Variants in MSRA observed in about 807,000 individuals in gnomAD.
The protein encoded by MSRA is mitochondrial peptide methionine sulfoxide reductase.
Under a neutral mutation model 31.3 loss-of-function variants are expected in MSRA, and 54 were observed. That is an observed-to-expected ratio of 1.73 (90% CI 1.39 to 2.17). The LOEUF is 2.17. Among genes scored for constraint, MSRA ranks in the 30% most tolerant of loss-of-function variants. The pLI, the probability that MSRA is intolerant of heterozygous loss-of-function variation, is 0.00. For missense variants in MSRA, 507 were observed against 300.9 expected, an observed-to-expected ratio of 1.69 and a Z score of -5.07; for synonymous variants, 169 against 116.5, an observed-to-expected ratio of 1.45 and a Z score of -2.90.
intron 5 of MSRA, among the ~76,000 whole-genome samples, chr8:10,414,415 C>T (rs1316437292): frequency 6.6e-6 from 1 of 152,226 alleles, no homozygotes; most frequent in Non-Finnish European, 1.5e-5. Flanking sequence ...TCCAACCATT[C>T]TGCAGTCGGT....
chr8:10,098,416 G>T (rs1426006549), intron 1 of MSRA, among the ~76,000 whole-genome samples: 1 of 152,114 alleles, frequency 6.6e-6, no homozygotes, highest in African/African-American at 2.4e-5. Flanking sequence ...TTCTCAGGAA[G>T]CGTTAGTCCA....
intron 1 of MSRA, among the ~76,000 whole-genome samples, chr8:10,139,495 A>G (rs28514398): frequency 0.06 from 9,076 of 152,224 alleles, 448 homozygotes; most frequent in African/African-American, 0.13. Flanking sequence ...CATTGTATCC[A>G]TTAAGCAATT....
At position 10,376,316 on chromosome 8, in the gene MSRA, C is replaced by G. The variant is rs76409133; in HGVS notation, c.544-51832C>G. On this transcript the variant is annotated intron_variant, in intron 5 of 5. Coordinates refer to ENST00000317173, the MANE Select transcript of MSRA (RefSeq NM_012331.5). ...ACAATGCAGCCAGGAACAGCAAATG[C>G]CATTTGGCTCACTTAATAGCAAGGC... is the stretch of plus-strand genomic sequence containing the variant. 7.6e-3 allele frequency among the ~76,000 whole-genome samples: 1,161 copies of G among 152,304 alleles called. 9 individuals are homozygous for G. Among genetic ancestry groups the G allele is most frequent in the Non-Finnish European group, 0.013 (857 of 68,020 alleles).
intron 1 of MSRA, among the ~76,000 whole-genome samples, chr8:10,129,635 A>C (rs1801753754): frequency 6.6e-6 from 1 of 152,120 alleles, no homozygotes. Flanking sequence ...TGGACTGTGC[A>C]GATCAGAAGG....
chr8:10,141,432 A>G lies in MSRA; in HGVS notation c.143-66401A>G, dbSNP rs530405740. ...CAGAAAGGAAAACGCACTCCAATGC[A>G]CAAGACATACATTGTCACCCACACA... On this transcript the variant is annotated intron_variant, in intron 1 of 5. Coordinates refer to ENST00000317173, the MANE Select transcript of MSRA (RefSeq NM_012331.5). Among the ~76,000 whole-genome samples the G allele has an allele frequency of 2.6e-5, 4 of 152,308 alleles. No homozygotes were observed. In the South Asian group the frequency reaches 8.3e-4, roughly 32 times the overall value.
intron 5 of MSRA, among the ~76,000 whole-genome samples, chr8:10,346,838 TG>T (rs756721045): frequency 5.3e-4 from 81 of 152,358 alleles, no homozygotes; most frequent in Non-Finnish European, 7.6e-4. Flanking sequence ...GGTTGTTGTT[TG>T]GCTTCCTGAA....
chr8:10,258,050 C>T lies in MSRA; in HGVS notation c.331+12827C>T, dbSNP rs138430608. 1.8e-3 allele frequency among the ~76,000 whole-genome samples: 274 copies of T among 152,306 alleles called. 2 individuals are homozygous for T. The highest frequency in any genetic ancestry group is 6.3e-3 in the African/African-American group (262 of 41,566). ...GCATGGCATAATTCTAAATTCTTTA[C>T]ATGTGACCACTTCTTCTATTTTCAT... On this transcript the variant is annotated intron_variant, in intron 3 of 5. Coordinates refer to ENST00000317173, the MANE Select transcript of MSRA (RefSeq NM_012331.5).
At chr8:10,405,914 G>A (rs541960666) in intron 5 of MSRA, among the ~76,000 whole-genome samples, 3 of 152,196 alleles carry the variant, frequency 2.0e-5, no homozygotes, top group Admixed American at 1.3e-4. Flanking sequence ...TACTCACAGT[G>A]CACACACACA....
At chr8:10,367,379 TTAAC>T (rs1362514912) in intron 5 of MSRA, among the ~76,000 whole-genome samples, 1 of 152,210 alleles carries the variant, frequency 6.6e-6, no homozygotes, top group Middle Eastern at 3.2e-3. Context: ...AAATAAAACT[TTAAC>T]AGGTAGGTAT....
chr8:10,330,775 G>A (rs1802649014), intron 5 of MSRA, among the ~76,000 whole-genome samples: 1 of 151,382 alleles, frequency 6.6e-6, no homozygotes, highest in South Asian at 2.1e-4. Flanking sequence ...GGTACCTAGT[G>A]ATTGTCAACA....
intron 1 of MSRA, among the ~76,000 whole-genome samples, chr8:10,114,196 G>C (rs1191354775): frequency 1.3e-5 from 2 of 152,110 alleles, no homozygotes; most frequent in Middle Eastern, 6.8e-3. Context: ...ACCATATTTT[G>C]ACATTTTATT....
rs546654333 is a variant in MSRA at position 10,161,696 on chromosome 8, C to T, written c.143-46137C>T. Among the ~76,000 whole-genome samples the T allele has an allele frequency of 8.5e-5, 13 of 152,082 alleles. No homozygotes were observed. The East Asian group carries it at 2.5e-3, about 30-fold the overall frequency. Reference sequence around the variant, plus strand: ...AATGCAGGAGACCCGGGTTCTGCATCTGGGGTCAGAGCTGAAGCCAGGCTG... The same window carrying T: ...AATGCAGGAGACCCGGGTTCTGCATTTGGGGTCAGAGCTGAAGCCAGGCTG... On this transcript the variant is annotated intron_variant, in intron 1 of 5. Coordinates refer to ENST00000317173, the MANE Select transcript of MSRA (RefSeq NM_012331.5).
chr8:10,401,625 TA>T (rs1207029977), intron 5 of MSRA, among the ~76,000 whole-genome samples: 3 of 152,112 alleles, frequency 2.0e-5, no homozygotes, highest in African/African-American at 7.2e-5. Context: ...TTAGCAGTAT[TA>T]TTTACAATAG....
intron 1 of MSRA, among the ~76,000 whole-genome samples, chr8:10,113,247 C>A (rs1800416669): frequency 7.6e-6 from 1 of 131,430 alleles, no homozygotes; most frequent in Admixed American, 9.0e-5. Context: ...GAGGGTGGAG[C>A]CCTACCTGGG....
chr8:10,255,823 A>T (rs751509187), intron 3 of MSRA, among the ~76,000 whole-genome samples: 4 of 151,644 alleles, frequency 2.6e-5, no homozygotes, highest in Non-Finnish European at 5.9e-5. Flanking sequence ...ACAAGTTTTA[A>T]TTTTTTCATC....
At chr8:10,247,736 C>A (rs1797699335) in intron 3 of MSRA, among the ~76,000 whole-genome samples, 1 of 152,132 alleles carries the variant, frequency 6.6e-6, no homozygotes, top group African/African-American at 2.4e-5. Context: ...TAGGGTCTTA[C>A]CCATACACAG....
At chr8:10,345,491 C>G (rs1000203986) in intron 5 of MSRA, among the ~76,000 whole-genome samples, 1 of 152,158 alleles carries the variant, frequency 6.6e-6, no homozygotes, top group African/African-American at 2.4e-5. Flanking sequence ...CTTCAGCACA[C>G]ACATACACAG....
chr8:10,339,074 C>A (rs1215202997), intron 5 of MSRA, among the ~76,000 whole-genome samples: 1 of 152,142 alleles, frequency 6.6e-6, no homozygotes, highest in Non-Finnish European at 1.5e-5. Flanking sequence ...TTCCCTTGTT[C>A]TTATGAACCT....
At chr8:10,090,384 C>A (rs1025384825) in intron 1 of MSRA, among the ~76,000 whole-genome samples, 1 of 152,128 alleles carries the variant, frequency 6.6e-6, no homozygotes, top group Non-Finnish European at 1.5e-5. Flanking sequence ...ATTAGCTGGG[C>A]AGATTCCTGA....
Sources: gnomAD v4.1 joint callset for allele counts (sites outside exome capture counted in the v4.1 genomes callset) on GRCh38, gnomAD v4.1.1 for gene constraint, MANE v1.5 for transcripts, NCBI Gene and HGNC (gene_info 2026-07-23, HGNC 2026-07-21) for gene names.